Variants in EMB observed in about 807,000 individuals in gnomAD.
EMB encodes embigin.
Under a neutral mutation model 41.4 loss-of-function variants are expected in EMB, and 31 were observed. The observed-to-expected ratio is 0.75, with a 90% CI of 0.56 to 1.01. The LOEUF is 1.01. Ranked by LOEUF, EMB falls within the 50% of genes least tolerant of loss-of-function variation. EMB has a pLI of 0.00. For missense variants in EMB, 379 were observed against 388.3 expected, an observed-to-expected ratio of 0.98 and a Z score of 0.20; for synonymous variants, 137 against 140.4, an observed-to-expected ratio of 0.98 and a Z score of 0.17.
intron 2 of EMB, among the ~76,000 whole-genome samples, chr5:50,412,743 G>T (rs1745363217): frequency 6.6e-6 from 1 of 152,038 alleles, no homozygotes. Context: ...GCCTGAAATT[G>T]TAGAGAATTG....
intron 2 of EMB, among the ~76,000 whole-genome samples, chr5:50,414,298 T>A (rs1745392781): frequency 6.6e-6 from 1 of 151,748 alleles, no homozygotes; most frequent in Non-Finnish European, 1.5e-5. Context: ...CTGAGGTGTG[T>A]GGGATTGCTT....
intron 2 of EMB, among the ~76,000 whole-genome samples, chr5:50,413,234 T>A (rs1010676): frequency 6.6e-6 from 1 of 152,074 alleles, no homozygotes. Flanking sequence ...ATAGAAAAAT[T>A]CCAGCAAATG....
intron 7 of EMB, among the ~76,000 whole-genome samples, chr5:50,401,651 C>T (rs371261367): frequency 6.6e-6 from 1 of 151,970 alleles, no homozygotes; most frequent in African/African-American, 2.4e-5. Flanking sequence ...TTCCAGACCT[C>T]CTCATGCTTA....
chr5:50,403,238 G>C lies in EMB; in HGVS notation c.817C>G (p.Leu273Val). 3.1e-6 allele frequency: 5 copies of C among 1,611,904 alleles called. No individual in the cohort carries two copies. Among genetic ancestry groups the C allele is most frequent in the Non-Finnish European group, 3.4e-6 (4 of 1,178,932 alleles). ...CAAAGCAGAATGGTGGCCACTAAAA[G>C]AATCACCTCAGCCACTATTACAAGA... ...PFLVIVAEVI[L>V]LVATILLCEK... Residue 273 changes from leucine (L) to valine (V), a missense_variant, in exon 6 of 9, where the codon CTT becomes GTT. Leu to Val is a conservative substitution (Grantham distance 32). Transcript: ENST00000303221.
At chr5:50,428,103 CT>C (rs759791096) in intron 2 of EMB, 40 bp downstream of exon 2, 14 of 1,459,096 alleles carry the variant, frequency 9.6e-6, no homozygotes, top group Admixed American at 3.7e-5. Flanking sequence ...TGCTTAAACC[CT>C]TTTTTTCGAA....
intron 1 of EMB, among the ~76,000 whole-genome samples, chr5:50,434,977 T>A (rs773151266): frequency 6.6e-6 from 1 of 152,182 alleles, no homozygotes; most frequent in Non-Finnish European, 1.5e-5. Context: ...AAGATTACAC[T>A]TTAGAACAAA....
chr5:50,441,165 C>A lies in EMB; in HGVS notation c.-14G>T. Reference sequence around the variant, plus strand: ...GAGGGCGCGCATGGCGCCAGAGGGTCCGCCTGGGTCCTCGTGGAGACTGCT... The same window carrying A: ...GAGGGCGCGCATGGCGCCAGAGGGTACGCCTGGGTCCTCGTGGAGACTGCT... On this transcript the variant is annotated 5_prime_UTR_variant, in exon 1 of 9. Coordinates refer to ENST00000303221, the MANE Select transcript of EMB (RefSeq NM_198449.3). The A allele has an allele frequency of 1.4e-6, 2 of 1,447,128 alleles. No individual in the cohort carries two copies. Among genetic ancestry groups the A allele is most frequent in the Non-Finnish European group, 1.8e-6 (2 of 1,095,062 alleles). 89.6% of individuals were successfully genotyped at this position (1,447,128 alleles called of 1,614,324 possible). A position where few individuals can be genotyped will look rare whatever the true frequency, so the allele number is the denominator to read the frequency against.
At position 50,413,956 on chromosome 5, in the gene EMB, T is replaced by C. The variant is rs560734253; in HGVS notation, c.197-2573A>G. 3.9e-5 allele frequency among the ~76,000 whole-genome samples: 6 copies of C among 152,230 alleles called. No individual in the cohort carries two copies. The East Asian group carries it at 9.6e-4, about 24-fold the overall frequency. Reference sequence around the variant, plus strand: ...TTTGGGGCACCTGAAGATTATAAGATACTCAAAAAATACTATTAAAAGAAA... The same window carrying C: ...TTTGGGGCACCTGAAGATTATAAGACACTCAAAAAATACTATTAAAAGAAA... On this transcript the variant is annotated intron_variant, in intron 2 of 8. Coordinates refer to ENST00000303221, the MANE Select transcript of EMB (RefSeq NM_198449.3).
intron 2 of EMB, among the ~76,000 whole-genome samples, chr5:50,427,389 C>T (rs1271228942): frequency 1.3e-5 from 2 of 152,004 alleles, no homozygotes; most frequent in Non-Finnish European, 2.9e-5. Context: ...GAGCAACAAC[C>T]TACATGGAAA....
At chr5:50,421,795 A>G (rs1365807599) in intron 2 of EMB, among the ~76,000 whole-genome samples, 2 of 151,454 alleles carry the variant, frequency 1.3e-5, no homozygotes, top group African/African-American at 4.8e-5. Context: ...CATCTCAAGG[A>G]CAAAAAACCA....
intron 1 of EMB, among the ~76,000 whole-genome samples, chr5:50,436,174 C>T (rs1394627008): frequency 6.6e-6 from 1 of 152,112 alleles, no homozygotes; most frequent in Non-Finnish European, 1.5e-5. Flanking sequence ...ATATCATATA[C>T]ACTTATGTAT....
Position 50,396,713 on chromosome 5 carries a change from G to T in EMB, c.*2560C>A, listed in dbSNP as rs1745071830. ...ATTCCAAAGTTGCATAGTGAGGTTT[G>T]TGTTTGAGAAAGTGGACTCAGGCAG... is the stretch of plus-strand genomic sequence containing the variant. On this transcript the variant is annotated 3_prime_UTR_variant, in exon 9 of 9. Coordinates refer to ENST00000303221, the MANE Select transcript of EMB (RefSeq NM_198449.3). 1 of 152,164 alleles carries T rather than the reference G, an allele frequency of 6.6e-6. No homozygotes were observed. Among genetic ancestry groups the T allele is most frequent in the African/African-American group, 2.4e-5 (1 of 41,436 alleles). The allele number at this position is 152,164 out of a possible 1,614,324, so 9.4% of individuals were successfully genotyped here.
At chr5:50,425,140 C>T (rs1745588914) in intron 2 of EMB, among the ~76,000 whole-genome samples, 1 of 152,182 alleles carries the variant, frequency 6.6e-6, no homozygotes, top group Non-Finnish European at 1.5e-5. Context: ...TCTTCTCAAT[C>T]ACCTGCCCCT....
intron 2 of EMB, among the ~76,000 whole-genome samples, chr5:50,415,180 G>T (rs769024996): frequency 1.3e-4 from 20 of 152,098 alleles, no homozygotes; most frequent in Admixed American, 7.2e-4. Context: ...AAACAAATTT[G>T]CCCAGTTTTA....
Position 50,398,674 on chromosome 5 carries a change from T to C in EMB, c.*599A>G, listed in dbSNP as rs1036820082. On this transcript the variant is annotated 3_prime_UTR_variant, in exon 9 of 9. Transcript: ENST00000303221. ...CAGAGCTTTAGAGCAAGCACAGTTT[T>C]ATTTATTTGCCTTAAACCAATATTT... The C allele has an allele frequency of 7.9e-5, 12 of 152,086 alleles. No homozygotes were observed. Among genetic ancestry groups the C allele is most frequent in the Non-Finnish European group, 2.9e-5 (2 of 67,966 alleles). The allele number at this position is 152,086 out of a possible 1,614,324, so 9.4% of individuals were successfully genotyped here. A position where few individuals can be genotyped will look rare whatever the true frequency, so the allele number is the denominator to read the frequency against.
Position 50,397,808 on chromosome 5 carries a change from T to C in EMB, c.*1465A>G, listed in dbSNP as rs748024134. 11 of 152,086 alleles carry C rather than the reference T, an allele frequency of 7.2e-5. No individual in the cohort carries two copies. The highest frequency in any genetic ancestry group is 1.0e-4 in the Non-Finnish European group (7 of 67,980). The allele number at this position is 152,086 out of a possible 1,614,324, so 9.4% of individuals were successfully genotyped here. ...GATGTATTCAAGTTCAGCAAACTTA[T>C]ATGTGTAGTTAAGATGCTTTACAAC... On this transcript the variant is annotated 3_prime_UTR_variant, in exon 9 of 9. Coordinates refer to ENST00000303221, the MANE Select transcript of EMB (RefSeq NM_198449.3).
rs576572218 is a variant in EMB at position 50,411,374 on chromosome 5, C to T, written c.206G>A (p.Ser69Asn). ...SHNISLTEHS[S>N]MPVEKNITLE... ...AGTGATATTTTTTTCTACTGGCATACTAGAATGTTCTATTAGCACAAAAGA... is the reference window on the plus strand; with the variant it reads ...AGTGATATTTTTTTCTACTGGCATATTAGAATGTTCTATTAGCACAAAAGA... Residue 69 changes from serine (S) to asparagine (N), a missense_variant, in exon 3 of 9, where the codon AGT becomes AAT. Physicochemically the swap from Ser to Asn is conservative, Grantham distance 46. Coordinates refer to ENST00000303221, the MANE Select transcript of EMB (RefSeq NM_198449.3). 6.3e-7 allele frequency: 1 copy of T among 1,593,888 alleles called. No individual in the cohort carries two copies. The highest frequency in any genetic ancestry group is 8.6e-7 in the Non-Finnish European group (1 of 1,168,902).
At position 50,424,440 on chromosome 5, in the gene EMB, G is replaced by A. The variant is rs372884944; in HGVS notation, c.196+3704C>T. Among the ~76,000 whole-genome samples the A allele has an allele frequency of 4.9e-4, 75 of 152,252 alleles. 1 individual carries two copies. In the East Asian group the frequency reaches 0.01, roughly 20 times the overall value. On this transcript the variant is annotated intron_variant, in intron 2 of 8. Transcript: ENST00000303221. ...AGATGGGATCTTGACTCCATTCTTA[G>A]AGAGAGGAAGGATTTGAACACCAGT...
chr5:50,433,332 AATAG>A (rs1159834419), intron 1 of EMB, among the ~76,000 whole-genome samples: 1 of 137,666 alleles, frequency 7.3e-6, no homozygotes, highest in Non-Finnish European at 1.6e-5. Context: ...AATGGAAATA[AATAG>A]ATCTCTTTAA....
Sources: allele counts gnomAD v4.1 joint callset (sites outside exome capture counted in the v4.1 genomes callset), GRCh38; gene constraint gnomAD v4.1.1; transcripts MANE v1.5; gene names NCBI Gene and HGNC (gene_info 2026-07-23, HGNC 2026-07-21).